The following ARHGAP24 variants were observed in gnomAD, a reference collection of about 807,000 sequenced individuals.
ARHGAP24 encodes Rho GTPase activating protein 24.
Under a neutral mutation model 76.4 loss-of-function variants are expected in ARHGAP24, and 50 were observed. The observed-to-expected ratio is 0.65, with a 90% CI of 0.52 to 0.83. ARHGAP24 has a LOEUF of 0.83. Among genes scored for constraint, ARHGAP24 ranks in the 40% least tolerant of loss-of-function variants. The probability of loss-of-function intolerance (pLI) is 0.00; values close to 1 mark genes in which losing one functional copy is unlikely to be tolerated. For missense variants in ARHGAP24, 930 were observed against 914.2 expected, an observed-to-expected ratio of 1.02 and a Z score of -0.22; for synonymous variants, 345 against 323.3, an observed-to-expected ratio of 1.07 and a Z score of -0.72.
At chr4:85,486,903 G>C (rs1380918014) in intron 1 of ARHGAP24, among the ~76,000 whole-genome samples, 4 of 151,698 alleles carry the variant, frequency 2.6e-5, no homozygotes, top group Admixed American at 6.6e-5. Context: ...CGCTCCTCCT[G>C]AACTTGTGCT....
At chr4:85,980,317 A>G (rs1276174214) in intron 8 of ARHGAP24, among the ~76,000 whole-genome samples, 1 of 152,254 alleles carries the variant, frequency 6.6e-6, no homozygotes, top group African/African-American at 2.4e-5. Flanking sequence ...AGTTCACATT[A>G]GTTACAATTC....
At chr4:85,666,875 C>G (rs1318575428) in intron 2 of ARHGAP24, among the ~76,000 whole-genome samples, 1 of 152,124 alleles carries the variant, frequency 6.6e-6, no homozygotes, top group Non-Finnish European at 1.5e-5. Flanking sequence ...CAGAGGAGTA[C>G]CCAGCCGTGT....
intron 3 of ARHGAP24, among the ~76,000 whole-genome samples, chr4:85,851,208 C>A (rs1054201958): frequency 7.8e-6 from 1 of 128,524 alleles, no homozygotes; most frequent in East Asian, 2.6e-4. Flanking sequence ...ATGTAAATGG[C>A]TTTCTTTGTC....
At chr4:85,803,528 T>G (rs917797743) in intron 3 of ARHGAP24, among the ~76,000 whole-genome samples, 1 of 152,228 alleles carries the variant, frequency 6.6e-6, no homozygotes, top group African/African-American at 2.4e-5. Context: ...GCTATTCCTT[T>G]CTTTAACTCT....
chr4:85,976,353 T>C (rs558875091), intron 7 of ARHGAP24, among the ~76,000 whole-genome samples: 4 of 152,290 alleles, frequency 2.6e-5, no homozygotes, highest in African/African-American at 9.6e-5. Flanking sequence ...CATCCTCCGG[T>C]GGGTTCAAGT....
At chr4:85,710,063 A>G (rs1426827267) in intron 2 of ARHGAP24, among the ~76,000 whole-genome samples, 1 of 152,246 alleles carries the variant, frequency 6.6e-6, no homozygotes, top group Non-Finnish European at 1.5e-5. Flanking sequence ...TAGCCAAGGC[A>G]GTCCTAAGCA....
intron 3 of ARHGAP24, among the ~76,000 whole-genome samples, chr4:85,734,718 C>T (rs563909404): frequency 5.8e-5 from 8 of 137,646 alleles, no homozygotes; most frequent in South Asian, 4.7e-4. Context: ...ACTTGCTTAT[C>T]GGAATCACAG....
At chr4:85,610,279 TAAAAATCC>T (rs1311531155) in intron 2 of ARHGAP24, among the ~76,000 whole-genome samples, 1 of 151,274 alleles carries the variant, frequency 6.6e-6, no homozygotes, top group African/African-American at 2.4e-5. Context: ...TTGTCTCTAC[TAAAAATCC>T]AAAAAAATTA....
At position 85,973,467 on chromosome 4, in the gene ARHGAP24, A is replaced by G. The variant is rs995380645; in HGVS notation, c.732+1299A>G. On this transcript the variant is annotated intron_variant, in intron 6 of 9. Coordinates refer to ENST00000395184, the MANE Select transcript of ARHGAP24 (RefSeq NM_001025616.3). Reference sequence around the variant, plus strand: ...AATATGATTTTAAATATTTTCTCACATTCTGTGAGTTGTCTCTTCATTTTA... The same window carrying G: ...AATATGATTTTAAATATTTTCTCACGTTCTGTGAGTTGTCTCTTCATTTTA... Among the ~76,000 whole-genome samples, 8 of 152,294 alleles carry G rather than the reference A, an allele frequency of 5.3e-5. No homozygotes were observed. The South Asian group carries it at 1.2e-3, about 24-fold the overall frequency.
chr4:85,732,753 G>T (rs1331042966), intron 3 of ARHGAP24, among the ~76,000 whole-genome samples: 1 of 150,134 alleles, frequency 6.7e-6, no homozygotes, highest in Non-Finnish European at 1.5e-5. Flanking sequence ...GAGTGCAATG[G>T]TGTGATCTCA....
rs143311806 is a variant in ARHGAP24, at chr4:85,568,594, T to C, written c.-20-1928T>C. 1.5e-3 allele frequency among the ~76,000 whole-genome samples: 223 copies of C among 152,216 alleles called. 2 individuals are homozygous for C. The highest frequency in any genetic ancestry group is 3.4e-3 in the Middle Eastern group (1 of 294). ...ACTGCGAAAGAAAGGAGATGAAAGT[T>C]CCTGCTCTGCAGGGCATAGCAAATT... On this transcript the variant is annotated intron_variant, in intron 1 of 9. Transcript: ENST00000395184.
chr4:85,673,571 A>G (rs531925426), intron 2 of ARHGAP24, among the ~76,000 whole-genome samples: 35 of 151,640 alleles, frequency 2.3e-4, no homozygotes, highest in Admixed American at 9.2e-4. Flanking sequence ...AGAAAGAGAG[A>G]AGAAAGAAGT....
intron 3 of ARHGAP24, among the ~76,000 whole-genome samples, chr4:85,829,450 A>G (rs535217184): frequency 8.0e-4 from 122 of 152,262 alleles, no homozygotes; most frequent in African/African-American, 2.7e-3. Flanking sequence ...TTCCTGGGAC[A>G]CTCTCTTCAT....
At chr4:85,789,952 A>G (rs1420803159) in intron 3 of ARHGAP24, among the ~76,000 whole-genome samples, 1 of 152,170 alleles carries the variant, frequency 6.6e-6, no homozygotes, top group Non-Finnish European at 1.5e-5. Context: ...CTGTCTTCCA[A>G]TGCCCTGACT....
intron 1 of ARHGAP24, among the ~76,000 whole-genome samples, chr4:85,504,343 T>G (rs1723945422): frequency 6.6e-6 from 1 of 152,190 alleles, no homozygotes; most frequent in Non-Finnish European, 1.5e-5. Flanking sequence ...TATTATTGTG[T>G]GGGAGTCTAA....
At chr4:85,616,760 T>C (rs998166209) in intron 2 of ARHGAP24, among the ~76,000 whole-genome samples, 5 of 152,246 alleles carry the variant, frequency 3.3e-5, no homozygotes, top group Non-Finnish European at 7.4e-5. Flanking sequence ...CCCAAGTAGC[T>C]GGGATTACAG....
intron 3 of ARHGAP24, among the ~76,000 whole-genome samples, chr4:85,837,386 T>A (rs913022977): frequency 2.0e-5 from 3 of 152,126 alleles, no homozygotes; most frequent in Admixed American, 2.0e-4. Flanking sequence ...CTTTAAGTGA[T>A]TGAAAATGTC....
At chr4:85,702,701 G>A (rs1024510203) in intron 2 of ARHGAP24, among the ~76,000 whole-genome samples, 1 of 151,936 alleles carries the variant, frequency 6.6e-6, no homozygotes, top group Admixed American at 6.6e-5. Context: ...TCGCCCTGGG[G>A]TTTGTGAGTT....
chr4:85,571,202 T>C (rs1211055999), intron 2 of ARHGAP24, among the ~76,000 whole-genome samples: 1 of 152,252 alleles, frequency 6.6e-6, no homozygotes, highest in Non-Finnish European at 1.5e-5. Flanking sequence ...CTAAACCAAA[T>C]GACACTGATA....
Sources: gnomAD v4.1 joint callset for allele counts (sites outside exome capture counted in the v4.1 genomes callset) on GRCh38, gnomAD v4.1.1 for gene constraint, MANE v1.5 for transcripts, NCBI Gene and HGNC (gene_info 2026-07-23, HGNC 2026-07-21) for gene names.